Variants in RBM6 observed in about 807,000 individuals in gnomAD.
The protein encoded by RBM6 is RNA binding motif protein 6, also known as RNA-binding protein 6.
A neutral mutation model predicts 140.4 loss-of-function variants in RBM6; 23 were observed. That is an observed-to-expected ratio of 0.16 (90% CI 0.12 to 0.23). The LOEUF (loss-of-function observed/expected upper bound fraction) is 0.23. RBM6 is among the 10% of genes least tolerant of loss of function. The pLI, the probability that RBM6 is intolerant of heterozygous loss-of-function variation, is 1.00. For missense variants in RBM6, 1,139 were observed against 1,386.7 expected (o/e 0.82, Z 2.84); for synonymous variants, 439 against 475.6 (o/e 0.92, Z 1.00).
chr3:49,978,108 C>T lies in RBM6; in HGVS notation c.1483+2716C>T, dbSNP rs539942179. ...CTCAAACCCCTCGGCTCAAGTGATC[C>T]TTCTGTCTCAACCTCCAGAGTATTT... is the stretch of plus-strand genomic sequence containing the variant. On this transcript the variant is annotated intron_variant, in intron 5 of 20. Coordinates refer to ENST00000266022, the MANE Select transcript of RBM6 (RefSeq NM_005777.3). Among the ~76,000 whole-genome samples, 8 of 152,190 alleles carry T rather than the reference C, an allele frequency of 5.3e-5. No homozygotes were observed. In the South Asian group the frequency reaches 1.5e-3, roughly 28 times the overall value.
At chr3:50,008,546 C>CTTTT (rs5848909) in intron 6 of RBM6, among the ~76,000 whole-genome samples, 14 of 73,718 alleles carry the variant, frequency 1.9e-4, no homozygotes, top group Non-Finnish European at 2.2e-4. Flanking sequence ...TCTTTTGTAA[C>CTTTT]TTTTTTTTTT....
chr3:50,073,171 A>G (rs1211770714), intron 19 of RBM6, among the ~76,000 whole-genome samples: 1 of 152,162 alleles, frequency 6.6e-6, no homozygotes, highest in Non-Finnish European at 1.5e-5. Flanking sequence ...CCTGTGTCCA[A>G]TTAGTGACCA....
At chr3:49,998,639 G>C (rs1360899304) in intron 5 of RBM6, among the ~76,000 whole-genome samples, 1 of 152,198 alleles carries the variant, frequency 6.6e-6, no homozygotes, top group Non-Finnish European at 1.5e-5. Context: ...ACTTGCTTAG[G>C]AGTAAGGTGA....
intron 5 of RBM6, among the ~76,000 whole-genome samples, chr3:49,984,075 C>G (rs753616581): frequency 6.6e-6 from 1 of 152,022 alleles, no homozygotes. Context: ...GTGGATCACT[C>G]GAGCTCAGGA....
intron 4 of RBM6, among the ~76,000 whole-genome samples, chr3:49,972,814 G>A (rs2084862426): frequency 6.6e-6 from 1 of 152,166 alleles, no homozygotes; most frequent in Non-Finnish European, 1.5e-5. Flanking sequence ...GAAAACTAAA[G>A]TACAGGCGGG....
intron 3 of RBM6, among the ~76,000 whole-genome samples, chr3:49,970,379 C>A (rs1331203990): frequency 1.3e-5 from 2 of 152,170 alleles, no homozygotes; most frequent in Non-Finnish European, 2.9e-5. Context: ...TGCCCCTACC[C>A]TTTTGATGTG....
At chr3:50,005,423 G>A (rs1222668445) in intron 6 of RBM6, among the ~76,000 whole-genome samples, 1 of 151,888 alleles carries the variant, frequency 6.6e-6, no homozygotes, top group African/African-American at 2.4e-5. Context: ...GCTTGAGCCT[G>A]GGAGGTCAAA....
chr3:50,038,131 C>G (rs1199690609), intron 6 of RBM6, among the ~76,000 whole-genome samples: 1 of 151,932 alleles, frequency 6.6e-6, no homozygotes, highest in African/African-American at 2.4e-5. Flanking sequence ...TCCAATGTCT[C>G]TTTTGGATGG....
intron 8 of RBM6, 113 bp downstream of exon 8, chr3:50,054,508 C>CTTTT: frequency 2.8e-6 from 2 of 722,184 alleles, no homozygotes; most frequent in Non-Finnish European, 4.5e-6. Flanking sequence ...ATCTACAAAC[C>CTTTT]TTTTTTTTTT....
At chr3:50,014,419 G>A (rs2087009950) in intron 6 of RBM6, among the ~76,000 whole-genome samples, 1 of 152,216 alleles carries the variant, frequency 6.6e-6, no homozygotes, top group Non-Finnish European at 1.5e-5. Context: ...GTAGTCAGAA[G>A]ATTACACATA....
chr3:50,058,585 T>C (rs200337396), intron 10 of RBM6, 23 bp downstream of exon 10: 14 of 1,578,834 alleles, frequency 8.9e-6, no homozygotes, highest in Non-Finnish European at 1.0e-5. Flanking sequence ...CACCTTGGAT[T>C]GGCCTAGAGA....
At chr3:50,009,698 C>T (rs1559580864) in intron 6 of RBM6, among the ~76,000 whole-genome samples, 1 of 140,926 alleles carries the variant, frequency 7.1e-6, no homozygotes, top group Non-Finnish European at 1.6e-5. Context: ...GTTGGGACTA[C>T]AGGTGTGCGC....
chr3:49,968,770 C>CCTTTTTT, intron 3 of RBM6, 22 bp downstream of exon 3: 1 of 698,924 alleles, frequency 1.4e-6, no homozygotes, highest in Non-Finnish European at 1.9e-6. Context: ...GGGTGGATTG[C>CCTTTTTT]TTTTTTTTTT....
At chr3:50,014,412 G>T (rs1170745175) in intron 6 of RBM6, among the ~76,000 whole-genome samples, 4 of 152,196 alleles carry the variant, frequency 2.6e-5, no homozygotes, top group Non-Finnish European at 5.9e-5. Context: ...TGAGGGAGTA[G>T]TCAGAAGATT....
chr3:49,994,876 G>T (rs774508866), intron 5 of RBM6, among the ~76,000 whole-genome samples: 2 of 152,152 alleles, frequency 1.3e-5, no homozygotes, highest in Non-Finnish European at 2.9e-5. Flanking sequence ...GGGAAATTCA[G>T]CTGGATTTGG....
chr3:50,059,403 T>C lies in RBM6; in HGVS notation c.2131-246T>C, dbSNP rs1458050616. On this transcript the variant is annotated intron_variant, in intron 10 of 20. Coordinates refer to ENST00000266022, the MANE Select transcript of RBM6 (RefSeq NM_005777.3). Reference sequence around the variant, plus strand: ...ATAATTGCAACCTAAAAGAAGAGGATTTGAATTTCTGAAGTTTATGCCAGA... The same window carrying C: ...ATAATTGCAACCTAAAAGAAGAGGACTTGAATTTCTGAAGTTTATGCCAGA... 1.5e-4 allele frequency: 45 copies of C among 300,668 alleles called. 1 individual carries two copies. In the East Asian group the frequency reaches 2.5e-3, roughly 17 times the overall value. 18.6% of individuals were successfully genotyped at this position (300,668 alleles called of 1,614,324 possible).
chr3:50,003,650 C>G (rs2086445900), intron 6 of RBM6, among the ~76,000 whole-genome samples: 1 of 152,232 alleles, frequency 6.6e-6, no homozygotes, highest in Admixed American at 6.5e-5. Flanking sequence ...ACCAAGGTCC[C>G]TCTAGCCTTT....
intron 5 of RBM6, among the ~76,000 whole-genome samples, chr3:49,978,716 T>C (rs1191845489): frequency 2.0e-5 from 3 of 152,160 alleles, no homozygotes; most frequent in African/African-American, 7.2e-5. Context: ...GTAAATAAAG[T>C]CTCACAGTAT....
chr3:50,058,302 G>C, intron 9 of RBM6, 100 bp from the exon 10 acceptor site: 1 of 1,312,982 alleles, frequency 7.6e-7, no homozygotes, highest in Non-Finnish European at 1.1e-6. Context: ...AGCCTTGCTA[G>C]TAGCATCTAT....
Sources: allele counts gnomAD v4.1 joint callset (sites outside exome capture counted in the v4.1 genomes callset), GRCh38; gene constraint gnomAD v4.1.1; transcripts MANE v1.5; gene names NCBI Gene and HGNC (gene_info 2026-07-23, HGNC 2026-07-21).